Variants in ACTN1 observed in about 807,000 individuals in gnomAD.
ACTN1 encodes the protein alpha-actinin-1.
A neutral mutation model predicts 119.6 loss-of-function variants in ACTN1; 30 were observed. The observed-to-expected ratio is 0.25, with a 90% CI of 0.19 to 0.34. The LOEUF is 0.34. ACTN1 is among the 10% of genes least tolerant of loss of function. ACTN1 has a pLI of 1.00. For synonymous variants in ACTN1, 429 were observed against 472.6 expected, an observed-to-expected ratio of 0.91 and a Z score of 1.20; for missense variants, 764 against 1,223.4, an observed-to-expected ratio of 0.62 and a Z score of 5.60.
intron 1 of ACTN1, among the ~76,000 whole-genome samples, chr14:68,964,690 A>T (rs919905485): frequency 9.2e-5 from 14 of 152,222 alleles, no homozygotes; most frequent in Non-Finnish European, 1.5e-5. Context: ...GGGACTAAAA[A>T]TGTCACAGTA....
chr14:68,895,099 G>T (rs996241936), intron 8 of ACTN1, among the ~76,000 whole-genome samples: 16 of 152,120 alleles, frequency 1.1e-4, no homozygotes, highest in Non-Finnish European at 2.1e-4. Flanking sequence ...GGAGGTCAAG[G>T]GAGGCATGAC....
intron 1 of ACTN1, chr14:68,936,501 T>C (rs566163867): frequency 1.7e-5 from 1 of 58,066 alleles, no homozygotes; most frequent in Non-Finnish European, 3.1e-5. Context: ...TGTCATTACC[T>C]TTTTTTTTTT....
intron 14 of ACTN1, 90 bp from the exon 15 acceptor site, chr14:68,883,145 C>T (rs1041220300): frequency 1.5e-6 from 2 of 1,361,838 alleles, no homozygotes; most frequent in Non-Finnish European, 2.0e-6. Context: ...TCCACACCAG[C>T]TGGGAGACCA....
Position 68,946,164 on chromosome 14 carries a change from C to T in ACTN1, c.106-20492G>A, listed in dbSNP as rs181785046. On this transcript the variant is annotated intron_variant, in intron 1 of 21. Coordinates refer to ENST00000394419, the MANE Select transcript of ACTN1 (RefSeq NM_001130004.2). ...ACAACTGTCCGTAACAGGGCCCCTCCGCTCACAGCCCACCAGCCCACCAGC... is the reference window on the plus strand; with the variant it reads ...ACAACTGTCCGTAACAGGGCCCCTCTGCTCACAGCCCACCAGCCCACCAGC... 1.8e-4 allele frequency among the ~76,000 whole-genome samples: 28 copies of T among 152,242 alleles called. 1 individual carries two copies. The East Asian group carries it at 4.6e-3, about 25-fold the overall frequency.
intron 1 of ACTN1, 152 bp downstream of exon 1, chr14:68,978,800 C>CA: frequency 4.2e-6 from 2 of 476,916 alleles, no homozygotes; most frequent in South Asian, 6.9e-5. Context: ...TGTAACCCAA[C>CA]ACCCCACCTC....
chr14:68,942,455 A>G (rs1252174340), intron 1 of ACTN1, among the ~76,000 whole-genome samples: 1 of 152,090 alleles, frequency 6.6e-6, no homozygotes, highest in East Asian at 1.9e-4. Flanking sequence ...TACAGAGGAG[A>G]GGTTTTCTGC....
intron 4 of ACTN1, among the ~76,000 whole-genome samples, chr14:68,910,298 A>G (rs2033929880): frequency 6.6e-6 from 1 of 152,210 alleles, no homozygotes; most frequent in Non-Finnish European, 1.5e-5. Flanking sequence ...TCAAACTTCA[A>G]GAATTAGCTC....
chr14:68,978,847 G>T (rs554708793), intron 1 of ACTN1, 105 bp downstream of exon 1: 10 of 697,400 alleles, frequency 1.4e-5, no homozygotes, highest in African/African-American at 1.1e-4. Flanking sequence ...TCCCGTGCGC[G>T]CCCGGAACCG....
chr14:68,953,816 G>A (rs1189420194), intron 1 of ACTN1, among the ~76,000 whole-genome samples: 1 of 151,772 alleles, frequency 6.6e-6, no homozygotes, highest in Non-Finnish European at 1.5e-5. Context: ...AAACCCAGGA[G>A]GTGGAGTTGC....
intron 1 of ACTN1, among the ~76,000 whole-genome samples, chr14:68,958,906 C>T (rs2268970): frequency 0.32 from 49,302 of 151,978 alleles, 8,260 homozygotes; most frequent in African/African-American, 0.39. Context: ...ACTTTGGCCT[C>T]GACAGCCATC....
At chr14:68,936,473 T>G in intron 1 of ACTN1, 2 of 307,796 alleles carry the variant, frequency 6.5e-6, no homozygotes, top group Non-Finnish European at 6.2e-6. Context: ...TTTGTTTGAG[T>G]TTTGTACCAA....
intron 7 of ACTN1, among the ~76,000 whole-genome samples, chr14:68,904,203 C>G (rs2033523716): frequency 6.6e-6 from 1 of 151,930 alleles, no homozygotes; most frequent in Admixed American, 6.6e-5. Context: ...AGAAAAACAC[C>G]ATGCCCAGCC....
chr14:68,943,074 G>C (rs542090607), intron 1 of ACTN1, among the ~76,000 whole-genome samples: 2 of 152,218 alleles, frequency 1.3e-5, no homozygotes, highest in African/African-American at 4.8e-5. Context: ...CCTCACCCAG[G>C]CCCAGGACAA....
chr14:68,917,436 T>A (rs188619639), intron 3 of ACTN1, among the ~76,000 whole-genome samples: 15 of 152,220 alleles, frequency 9.9e-5, no homozygotes, highest in Non-Finnish European at 1.8e-4. Flanking sequence ...GGGTGAGGGG[T>A]GTCCCTGCTG....
chr14:68,919,800 ACT>A (rs1184429987), intron 3 of ACTN1, among the ~76,000 whole-genome samples: 1 of 151,928 alleles, frequency 6.6e-6, no homozygotes, highest in Non-Finnish European at 1.5e-5. Context: ...CAACTACTCA[ACT>A]CTGTCATTGC....
intron 1 of ACTN1, among the ~76,000 whole-genome samples, chr14:68,940,047 C>A (rs1406157396): frequency 6.6e-6 from 1 of 152,202 alleles, no homozygotes; most frequent in Non-Finnish European, 1.5e-5. Context: ...CAGAGTGGCA[C>A]CCGCTCCGGG....
rs111425887 is a variant in ACTN1, at chr14:68,966,154, C to T, written c.105+12798G>A. ...CTCAATTGAGCCCAGGAGGTAGAAG[C>T]TGCAGTAAGCTGAGATCATGCCACT... is the stretch of plus-strand genomic sequence containing the variant. On this transcript the variant is annotated intron_variant, in intron 1 of 21. Coordinates refer to ENST00000394419, the MANE Select transcript of ACTN1 (RefSeq NM_001130004.2). 2.8e-4 allele frequency among the ~76,000 whole-genome samples: 42 copies of T among 152,256 alleles called. 1 individual carries two copies. Among genetic ancestry groups the T allele is most frequent in the African/African-American group, 9.9e-4 (41 of 41,536 alleles).
chr14:68,902,591 A>C, intron 7 of ACTN1, 29 bp from the exon 8 acceptor site: 1 of 1,602,524 alleles, frequency 6.2e-7, no homozygotes, highest in Non-Finnish European at 8.5e-7. Context: ...AGTTAAAGCC[A>C]GCTGGTTCCA....
chr14:68,895,362 G>A (rs908145671), intron 8 of ACTN1, among the ~76,000 whole-genome samples: 2 of 152,176 alleles, frequency 1.3e-5, no homozygotes, highest in Non-Finnish European at 2.9e-5. Context: ...AAGCACCCAC[G>A]GGGAATCCCA....
Sources: gnomAD v4.1 joint callset for allele counts (sites outside exome capture counted in the v4.1 genomes callset) on GRCh38, gnomAD v4.1.1 for gene constraint, MANE v1.5 for transcripts, NCBI Gene and HGNC (gene_info 2026-07-23, HGNC 2026-07-21) for gene names.